The following TUB variants were observed in gnomAD, a reference collection of about 807,000 sequenced individuals.
TUB encodes tubby protein homolog.
In TUB, 33 loss-of-function variants were observed where a neutral mutation model predicts 59.7. The observed-to-expected ratio is 0.55, with a 90% confidence interval of 0.42 to 0.74. The LOEUF (loss-of-function observed/expected upper bound fraction) is 0.74. Ranked by LOEUF, TUB falls within the 30% of genes least tolerant of loss-of-function variation. The probability of loss-of-function intolerance (pLI) is 0.00; values close to 1 mark genes in which losing one functional copy is unlikely to be tolerated. For synonymous variants in TUB, 293 were observed against 256.4 expected (o/e 1.14, Z -1.36); for missense variants, 659 against 672.0 (o/e 0.98, Z 0.21).
chr11:8,057,198 C>A (rs981030161), intron 2 of TUB, among the ~76,000 whole-genome samples: 1 of 152,048 alleles, frequency 6.6e-6, no homozygotes, highest in Non-Finnish European at 1.5e-5. Flanking sequence ...GAATCGATTG[C>A]GCAATAAAGG....
chr11:8,091,409 C>T (rs1943772784), intron 3 of TUB, among the ~76,000 whole-genome samples: 1 of 152,184 alleles, frequency 6.6e-6, no homozygotes, highest in African/African-American at 2.4e-5. Context: ...TGGCTAAGTA[C>T]AGTGCTAGAG....
chr11:8,066,160 T>G (rs893703497), intron 2 of TUB, among the ~76,000 whole-genome samples: 1 of 152,190 alleles, frequency 6.6e-6, no homozygotes, highest in Middle Eastern at 3.4e-3. Flanking sequence ...AGGGGAAGAA[T>G]GGGCACTCTG....
At chr11:8,038,717 T>C in exon 1 of TUB, 1 of 1,479,682 alleles carries the variant, frequency 6.8e-7, no homozygotes, top group East Asian at 2.4e-5. Context: ...TGGGTGATGG[T>C]GGTTGTTAGT....
chr11:8,048,205 T>A (rs961363323), intron 2 of TUB, among the ~76,000 whole-genome samples: 10 of 152,218 alleles, frequency 6.6e-5, no homozygotes, highest in Admixed American at 4.6e-4. Context: ...AGTACTGTTA[T>A]CATTCTCATT....
chr11:8,082,091 C>G (rs934351817), intron 1 of TUB, among the ~76,000 whole-genome samples: 1 of 152,222 alleles, frequency 6.6e-6, no homozygotes, highest in Non-Finnish European at 1.5e-5. Context: ...AAGACACATG[C>G]CTGCATATCT....
chr11:8,022,321 A>C (rs897743903), intron 1 of TUB, among the ~76,000 whole-genome samples: 2 of 152,226 alleles, frequency 1.3e-5, no homozygotes, highest in Admixed American at 6.5e-5. Flanking sequence ...ATAGCATTAA[A>C]AGTGAAAATC....
At position 8,104,494 on chromosome 11, in the gene TUB, CTTAA is replaced by C. The variant is rs1320747958; in HGVS notation, c.*2878_*2881del. 1 of 152,176 alleles carries C rather than the reference CTTAA, an allele frequency of 6.6e-6. No individual in the cohort carries two copies. Among genetic ancestry groups the C allele is most frequent in the Non-Finnish European group, 1.5e-5 (1 of 68,046 alleles). 9.4% of individuals were successfully genotyped at this position (152,176 alleles called of 1,614,324 possible). A position where few individuals can be genotyped will look rare whatever the true frequency, so the allele number is the denominator to read the frequency against. On this transcript the variant is annotated 3_prime_UTR_variant, in exon 12 of 12. Transcript: ENST00000299506. ...GGCAATCAGCAATCAACTGAGGTTTCTTAATTGTGATTATATTCCTGAGAATGAA... is the reference window on the plus strand; with the variant it reads ...GGCAATCAGCAATCAACTGAGGTTTCTTGTGATTATATTCCTGAGAATGAA...
intron 1 of TUB, among the ~76,000 whole-genome samples, chr11:8,083,382 C>A (rs940728708): frequency 2.2e-4 from 33 of 152,322 alleles, no homozygotes; most frequent in African/African-American, 7.5e-4. Context: ...TAGAAAGCTT[C>A]TCCCAGGGAG....
At position 8,075,193 on chromosome 11, in the gene TUB, T is replaced by G. The variant is rs1943429629; in HGVS notation, c.204-14417T>G. Among the ~76,000 whole-genome samples the G allele has an allele frequency of 2.0e-5, 3 of 152,328 alleles. No individual in the cohort carries two copies. In the South Asian group the frequency reaches 6.2e-4, roughly 32 times the overall value. On this transcript the variant is annotated intron_variant, in intron 2 of 12. Coordinates refer to the TUB transcript ENST00000305253. ...AATTTCCCCTATTAGCAATAAAGTT[T>G]CCATCAGTATCTTTGTACATAAACT...
At position 8,073,004 on chromosome 11, in the gene TUB, C is replaced by T. The variant is rs149824242; in HGVS notation, c.204-16606C>T. The stretch of plus-strand genomic sequence containing the variant: ...AAGGAGCCTTAGAGACAGTCCCACT[C>T]TCTTTCATGAAGCACAGAGAGAGGA... On this transcript the variant is annotated intron_variant, in intron 2 of 12. Transcript: ENST00000305253. 6.7e-3 allele frequency among the ~76,000 whole-genome samples: 1,019 copies of T among 152,356 alleles called. 9 individuals are homozygous for T. The highest frequency in any genetic ancestry group is 0.023 in the African/African-American group (951 of 41,580).
intron 2 of TUB, among the ~76,000 whole-genome samples, chr11:8,041,577 T>C (rs1942750940): frequency 2.6e-5 from 4 of 152,186 alleles, no homozygotes; most frequent in Non-Finnish European, 5.9e-5. Flanking sequence ...TTGAAACTGT[T>C]CCACCTGTGA....
chr11:8,100,492 C>T lies in TUB; in HGVS notation c.1117-11C>T. 1 of 1,613,010 alleles carries T rather than the reference C, an allele frequency of 6.2e-7. No homozygotes were observed. The highest frequency in any genetic ancestry group is 8.5e-7 in the Non-Finnish European group (1 of 1,179,146). ...CGCCTCAGGTGGCCAGTGTTGCGTT[C>T]TCTTTCCCAGGAGACAAACGTCTTA... On this transcript the variant is annotated splice_polypyrimidine_tract_variant and intron_variant, in intron 9 of 11. Transcript: ENST00000299506.
At position 8,081,328 on chromosome 11, in the gene TUB, AG is replaced by A. The variant is rs1943557085; in HGVS notation, c.-181del. The A allele has an allele frequency of 1.0e-6, 1 of 975,034 alleles. No homozygotes were observed. Among genetic ancestry groups the A allele is most frequent in the African/African-American group, 1.8e-5 (1 of 56,658 alleles). 60.4% of individuals were successfully genotyped at this position (975,034 alleles called of 1,614,324 possible). A position where few individuals can be genotyped will look rare whatever the true frequency, so the allele number is the denominator to read the frequency against. The stretch of plus-strand genomic sequence containing the variant: ...CCCATCTCGCCTCGCCGCGCCGCGC[AG>A]GCAGCCGCTCGCAGAGCCAGCAGCC... On this transcript the variant is annotated 5_prime_UTR_variant, in exon 1 of 12. Coordinates refer to ENST00000299506, the MANE Select transcript of TUB (RefSeq NM_177972.3).
chr11:8,090,256 T>C (rs1192592373), intron 3 of TUB, 25 bp downstream of exon 3: 15 of 1,610,422 alleles, frequency 9.3e-6, no homozygotes, highest in Non-Finnish European at 1.2e-5. Flanking sequence ...CTGCCCCACA[T>C]CCCGTCACTG....
At chr11:8,092,021 T>A (rs1193816232) in intron 3 of TUB, among the ~76,000 whole-genome samples, 1 of 152,202 alleles carries the variant, frequency 6.6e-6, no homozygotes, top group African/African-American at 2.4e-5. Context: ...GAGGCCAACA[T>A]CGTGAGAGGT....
At chr11:8,095,468 A>G (rs751496315) in intron 4 of TUB, 30 bp from the exon 5 acceptor site, 2 of 1,582,242 alleles carry the variant, frequency 1.3e-6, no homozygotes, top group Non-Finnish European at 1.7e-6. Context: ...CTCCTCCTGG[A>G]TGTAACTCAG....
At chr11:8,090,895 C>T (rs890313165) in intron 3 of TUB, among the ~76,000 whole-genome samples, 1 of 151,064 alleles carries the variant, frequency 6.6e-6, no homozygotes, top group African/African-American at 2.5e-5. Context: ...GAAGAGTAGG[C>T]CAGGCCAGAC....
intron 3 of TUB, among the ~76,000 whole-genome samples, chr11:8,093,634 T>G (rs775192101): frequency 1.3e-5 from 2 of 152,336 alleles, no homozygotes; most frequent in East Asian, 3.9e-4. Context: ...CCTGGAGTGC[T>G]TGCCCTGGTT....
At chr11:8,065,092 A>C (rs1943211736) in intron 2 of TUB, among the ~76,000 whole-genome samples, 1 of 152,170 alleles carries the variant, frequency 6.6e-6, no homozygotes, top group Non-Finnish European at 1.5e-5. Context: ...GAATTGGTGG[A>C]AGCTGGCTGG....
Sources: gnomAD v4.1 joint callset for allele counts (sites outside exome capture counted in the v4.1 genomes callset) on GRCh38, gnomAD v4.1.1 for gene constraint, MANE v1.5 for transcripts, NCBI Gene and HGNC (gene_info 2026-07-23, HGNC 2026-07-21) for gene names.